Variants in BNC2 observed in about 807,000 individuals in gnomAD.
BNC2 encodes the protein basonuclin zinc finger protein 2.
BNC2 carries 20 observed loss-of-function variants against 76.3 expected under a neutral mutation model. The observed-to-expected ratio is 0.26, with a 90% CI of 0.18 to 0.38. The LOEUF is 0.38. BNC2 is among the 10% of genes least tolerant of loss of function. BNC2 has a pLI of 1.00. For synonymous variants in BNC2, 582 were observed against 514.8 expected, an observed-to-expected ratio of 1.13 and a Z score of -1.77; for missense variants, 1,382 against 1,399.8, an observed-to-expected ratio of 0.99 and a Z score of 0.20.
At chr9:16,423,006 A>C (rs1364094820) in intron 6 of BNC2, among the ~76,000 whole-genome samples, 1 of 152,214 alleles carries the variant, frequency 6.6e-6, no homozygotes, top group African/African-American at 2.4e-5. Context: ...ACTCTCACCT[A>C]CTGATAATCA....
At chr9:16,457,693 G>A (rs1288243841) in intron 5 of BNC2, among the ~76,000 whole-genome samples, 1 of 152,146 alleles carries the variant, frequency 6.6e-6, no homozygotes, top group Non-Finnish European at 1.5e-5. Context: ...AGGAAAGCGC[G>A]TGTTCGGCAT....
chr9:16,463,291 A>ATTTTTTTTT (rs1261254719), intron 5 of BNC2, among the ~76,000 whole-genome samples: 1 of 98,032 alleles, frequency 1.0e-5, no homozygotes, highest in African/African-American at 5.4e-5. Flanking sequence ...CAAGTATTAA[A>ATTTTTTTTT]TTCTTTTTTT....
chr9:16,447,371 C>A (rs1009376261), intron 5 of BNC2, among the ~76,000 whole-genome samples: 1 of 152,094 alleles, frequency 6.6e-6, no homozygotes, highest in Non-Finnish European at 1.5e-5. Context: ...GTAAGCCTTA[C>A]TAAAAACTCA....
chr9:16,771,351 AATAAATCTTTCAAC>A (rs1825826775), intron 1 of BNC2, among the ~76,000 whole-genome samples: 1 of 152,164 alleles, frequency 6.6e-6, no homozygotes, highest in South Asian at 2.1e-4. Flanking sequence ...CTTCAGAAAT[AATAAATCTTTCAAC>A]AGATTGTGTA....
chr9:16,721,858 C>G (rs1824166935), intron 3 of BNC2, among the ~76,000 whole-genome samples: 1 of 152,104 alleles, frequency 6.6e-6, no homozygotes, highest in Admixed American at 6.5e-5. Flanking sequence ...CACTAAGGTT[C>G]AAATTATAGA....
intron 3 of BNC2, among the ~76,000 whole-genome samples, chr9:16,625,439 A>T (rs1265795648): frequency 6.6e-6 from 1 of 152,160 alleles, no homozygotes; most frequent in Non-Finnish European, 1.5e-5. Context: ...AATTTCTTCT[A>T]ACATAAACCT....
At chr9:16,626,191 T>C (rs976269259) in intron 3 of BNC2, 1 of 152,072 alleles carries the variant, frequency 6.6e-6, no homozygotes, top group Non-Finnish European at 1.5e-5. Context: ...TCCTCAAAGA[T>C]AAGACCACAA....
In BNC2 at chr9:16,622,331, A is replaced by G. The variant is rs573100471; in HGVS notation, c.331-39246T>C. 4.6e-5 allele frequency among the ~76,000 whole-genome samples: 7 copies of G among 152,292 alleles called. No homozygotes were observed. The South Asian group carries it at 8.3e-4, about 18-fold the overall frequency. On this transcript the variant is annotated intron_variant, in intron 3 of 6. Transcript: ENST00000380672. ...CCTATAGCTCCCTCTGATGACTTTT[A>G]GACTAAAATTTTTCAGGATTTGTGT...
chr9:16,846,846 T>A (rs1321380879), intron 1 of BNC2, among the ~76,000 whole-genome samples: 1 of 152,218 alleles, frequency 6.6e-6, no homozygotes, highest in Admixed American at 6.5e-5. Flanking sequence ...CTATAAAATT[T>A]TGCTATCACA....
intron 1 of BNC2, among the ~76,000 whole-genome samples, chr9:16,842,132 TA>T (rs1353076494): frequency 6.6e-6 from 1 of 152,158 alleles, no homozygotes; most frequent in African/African-American, 2.4e-5. Context: ...TTAATGCACA[TA>T]TTTTTTGGAG....
intron 4 of BNC2, among the ~76,000 whole-genome samples, chr9:16,567,313 A>T (rs1819198158): frequency 6.6e-6 from 1 of 152,020 alleles, no homozygotes; most frequent in Non-Finnish European, 1.5e-5. Flanking sequence ...ATGGGTAATA[A>T]ATGTAAAGTA....
At chr9:16,515,728 A>G (rs1822861685) in intron 5 of BNC2, among the ~76,000 whole-genome samples, 1 of 151,034 alleles carries the variant, frequency 6.6e-6, no homozygotes, top group East Asian at 1.9e-4. Flanking sequence ...AAAAAAAAAA[A>G]AAATTTAAAA....
intron 3 of BNC2, among the ~76,000 whole-genome samples, chr9:16,673,497 TA>T (rs1408083850): frequency 1.5e-4 from 22 of 150,956 alleles, no homozygotes; most frequent in Admixed American, 1.5e-3. Flanking sequence ...TCTTGCTAAT[TA>T]AAATTTCCAG....
chr9:16,606,525 A>C (rs1278297816), intron 3 of BNC2, among the ~76,000 whole-genome samples: 1 of 148,978 alleles, frequency 6.7e-6, no homozygotes, highest in Non-Finnish European at 1.5e-5. Flanking sequence ...ACAAGATCTG[A>C]TAGCTTTTTT....
intron 1 of BNC2, among the ~76,000 whole-genome samples, chr9:16,818,943 TA>T (rs1818250211): frequency 6.6e-6 from 1 of 152,172 alleles, no homozygotes; most frequent in Non-Finnish European, 1.5e-5. Flanking sequence ...ATCTTAACAA[TA>T]TACTCTGGCT....
intron 1 of BNC2, among the ~76,000 whole-genome samples, chr9:16,857,505 A>T (rs1819290317): frequency 7.7e-6 from 1 of 130,528 alleles, no homozygotes; most frequent in Admixed American, 7.6e-5. Flanking sequence ...AAAAAAAAAA[A>T]GAAGTGATTT....
intron 1 of BNC2, among the ~76,000 whole-genome samples, chr9:16,770,017 G>A (rs889108992): frequency 2.0e-5 from 3 of 152,092 alleles, no homozygotes; most frequent in Non-Finnish European, 2.9e-5. Flanking sequence ...TACAGCCTAC[G>A]GTTTTGCTCA....
chr9:16,675,304 T>A (rs1822605805), intron 3 of BNC2, among the ~76,000 whole-genome samples: 1 of 152,006 alleles, frequency 6.6e-6, no homozygotes, highest in African/African-American at 2.4e-5. Context: ...AGTTCAGTGG[T>A]GCTGTCGTAA....
At chr9:16,647,331 G>C (rs985522975) in intron 3 of BNC2, among the ~76,000 whole-genome samples, 2 of 152,052 alleles carry the variant, frequency 1.3e-5, no homozygotes, top group African/African-American at 4.8e-5. Context: ...GAGAATTGGC[G>C]GAATGTGTGT....
Sources: gnomAD v4.1 joint callset for allele counts (sites outside exome capture counted in the v4.1 genomes callset) on GRCh38, gnomAD v4.1.1 for gene constraint, MANE v1.5 for transcripts, NCBI Gene and HGNC (gene_info 2026-07-23, HGNC 2026-07-21) for gene names.